The following R3HDM1 variants were observed in gnomAD, a reference collection of about 807,000 sequenced individuals.
The protein encoded by R3HDM1 is R3H domain-containing protein 1.
A neutral mutation model predicts 141.1 loss-of-function variants in R3HDM1; 46 were observed. That is an observed-to-expected ratio of 0.33 (90% CI 0.26 to 0.42). The LOEUF (loss-of-function observed/expected upper bound fraction) is 0.42. R3HDM1 is among the 10% of genes least tolerant of loss of function. The pLI, the probability that R3HDM1 is intolerant of heterozygous loss-of-function variation, is 1.00. For synonymous variants in R3HDM1, 435 were observed against 472.9 expected, an observed-to-expected ratio of 0.92 and a Z score of 1.04; for missense variants, 1,184 against 1,368.3, an observed-to-expected ratio of 0.87 and a Z score of 2.12.
chr2:135,719,650 T>C (rs72970242), intron 24 of R3HDM1, among the ~76,000 whole-genome samples: 176 of 152,330 alleles, frequency 1.2e-3, no homozygotes, highest in African/African-American at 4.1e-3. Flanking sequence ...TATACTTTTA[T>C]ATACTTGAAA....
At chr2:135,710,472 C>G (rs970728870) in intron 23 of R3HDM1, among the ~76,000 whole-genome samples, 1 of 152,050 alleles carries the variant, frequency 6.6e-6, no homozygotes. Flanking sequence ...ACAAAATCAG[C>G]TGGGTGTAGT....
At position 135,630,281 on chromosome 2, in the gene R3HDM1, C is replaced by CAAAAAAA. The variant is rs911009655; in HGVS notation, c.498-1416_498-1410dup. 5.9e-3 allele frequency among the ~76,000 whole-genome samples: 230 copies of CAAAAAAA among 39,306 alleles called. 6 individuals carry two copies. Among genetic ancestry groups the CAAAAAAA allele is most frequent in the African/African-American group, 8.4e-3 (91 of 10,822 alleles). 25.8% of individuals were successfully genotyped at this position (39,306 alleles called of 152,430 possible). A position where few individuals can be genotyped will look rare whatever the true frequency, so the allele number is the denominator to read the frequency against. ...AACAAGAGCGAAACTCCTTCTCAAC[C>CAAAAAAA]AAAAAAAAAAAAAAAAAAAAAAAAA... On this transcript the variant is annotated intron_variant, in intron 7 of 26. Coordinates refer to ENST00000683871, the MANE Select transcript of R3HDM1 (RefSeq NM_001378107.1).
At position 135,555,470 on chromosome 2, in the gene R3HDM1, G is replaced by C. The variant is rs773410645; in HGVS notation, c.-250+23837G>C. On this transcript the variant is annotated intron_variant, in intron 1 of 26. Transcript: ENST00000683871. Reference sequence around the variant, plus strand: ...TACTGCCAGTAGGAGTGTAAAGGGTGTGGTCATTTTGGTGAGTCTGGAAGT... The same window carrying C: ...TACTGCCAGTAGGAGTGTAAAGGGTCTGGTCATTTTGGTGAGTCTGGAAGT... 2.1e-4 allele frequency among the ~76,000 whole-genome samples: 32 copies of C among 152,162 alleles called. 1 individual carries two copies. The highest frequency in any genetic ancestry group is 6.5e-4 in the Admixed American group (10 of 15,268).
rs148337940 is a variant in R3HDM1, at chr2:135,565,394, G to A, written c.-250+33761G>A. Among the ~76,000 whole-genome samples, 447 of 149,340 alleles carry A rather than the reference G, an allele frequency of 3.0e-3. 3 individuals carry two copies. The highest frequency in any genetic ancestry group is 0.01 in the African/African-American group (416 of 40,982). On this transcript the variant is annotated intron_variant, in intron 1 of 26. Transcript: ENST00000683871. ...AATTTAAGAGACAAGATCTCATTAT[G>A]TTGCCTGGACTGGACTTAAACTTCT...
intron 23 of R3HDM1, among the ~76,000 whole-genome samples, chr2:135,713,622 C>T (rs2075887358): frequency 2.6e-5 from 4 of 152,108 alleles, no homozygotes; most frequent in African/African-American, 7.2e-5. Flanking sequence ...GGAAAATGCC[C>T]TTAAGTGTGT....
chr2:135,634,194 C>T (rs2063024911), intron 9 of R3HDM1, among the ~76,000 whole-genome samples: 1 of 152,020 alleles, frequency 6.6e-6, no homozygotes. Flanking sequence ...CAAATCTGTT[C>T]TCTATTTCAC....
At chr2:135,693,992 G>A (rs553291675) in intron 21 of R3HDM1, among the ~76,000 whole-genome samples, 162 of 151,500 alleles carry the variant, frequency 1.1e-3, no homozygotes, top group African/African-American at 3.8e-3. Flanking sequence ...GAACAAGAGC[G>A]AAACTGCCTC....
At chr2:135,534,229 A>T (rs1258175407) in intron 1 of R3HDM1, among the ~76,000 whole-genome samples, 1 of 152,202 alleles carries the variant, frequency 6.6e-6, no homozygotes, top group East Asian at 1.9e-4. Flanking sequence ...AACTATTGTA[A>T]TATCTTTTAA....
intron 15 of R3HDM1, 145 bp from the exon 16 acceptor site, chr2:135,645,234 T>A: frequency 1.5e-6 from 1 of 679,050 alleles, no homozygotes; most frequent in East Asian, 2.8e-5. Flanking sequence ...TTTCCCAACC[T>A]AAGGAAATCT....
intron 1 of R3HDM1, among the ~76,000 whole-genome samples, chr2:135,576,824 A>G (rs1202922899): frequency 6.6e-6 from 1 of 152,192 alleles, no homozygotes; most frequent in Non-Finnish European, 1.5e-5. Flanking sequence ...GTGAAAGTAG[A>G]TTAGTGGTTG....
rs1293673331 is a variant in R3HDM1, at chr2:135,699,097, AGATAGATT to A, written c.2460-10335_2460-10328del. 7.8e-4 allele frequency among the ~76,000 whole-genome samples: 118 copies of A among 151,846 alleles called. 2 individuals are homozygous for A. Among genetic ancestry groups the A allele is most frequent in the African/African-American group, 2.7e-3 (111 of 41,330 alleles). On this transcript the variant is annotated intron_variant, in intron 21 of 26. Coordinates refer to ENST00000683871, the MANE Select transcript of R3HDM1 (RefSeq NM_001378107.1). ...AGATTAGATAGATAGATAGATAGAT[AGATAGATT>A]AGATATTCCAAACCCCAAAAAATAG...
In R3HDM1 at chr2:135,714,195, G is replaced by A. The variant is rs531347852; in HGVS notation, c.2737-1355G>A. Among the ~76,000 whole-genome samples, 5 of 152,232 alleles carry A rather than the reference G, an allele frequency of 3.3e-5. No individual in the cohort carries two copies. In the East Asian group the frequency reaches 5.8e-4, roughly 18 times the overall value. On this transcript the variant is annotated intron_variant, in intron 23 of 26. Coordinates refer to ENST00000683871, the MANE Select transcript of R3HDM1 (RefSeq NM_001378107.1). ...TAGGCACCATGTTAACAAAGCAGTC[G>A]AAGTAAATATCACCAATACTGTGAT...
At chr2:135,680,791 T>C (rs2070159918) in intron 21 of R3HDM1, among the ~76,000 whole-genome samples, 2 of 152,168 alleles carry the variant, frequency 1.3e-5, no homozygotes, top group Admixed American at 1.3e-4. Context: ...TATATGTATA[T>C]TTCTTTCAGT....
At chr2:135,661,144 A>T in intron 18 of R3HDM1, 126 bp from the exon 19 acceptor site, 1 of 1,220,264 alleles carries the variant, frequency 8.2e-7, no homozygotes, top group East Asian at 2.5e-5. Flanking sequence ...TAAATTTAAG[A>T]AAAATCAGTT....
chr2:135,682,011 A>C (rs1459124465), intron 21 of R3HDM1, among the ~76,000 whole-genome samples: 1 of 150,456 alleles, frequency 6.6e-6, no homozygotes, highest in Non-Finnish European at 1.5e-5. Context: ...AAATTTTATA[A>C]ATAAGGAAAA....
At chr2:135,542,743 T>G (rs1183108346) in intron 1 of R3HDM1, among the ~76,000 whole-genome samples, 1 of 152,190 alleles carries the variant, frequency 6.6e-6, no homozygotes, top group African/African-American at 2.4e-5. Flanking sequence ...ACACTATGGT[T>G]ACTATATGAC....
intron 24 of R3HDM1, among the ~76,000 whole-genome samples, chr2:135,719,260 C>A (rs972455095): frequency 1.3e-5 from 2 of 151,962 alleles, no homozygotes; most frequent in Non-Finnish European, 2.9e-5. Context: ...AGGAGGAACA[C>A]CTAGCCCAGC....
At chr2:135,603,092 C>G (rs2059751411) in intron 2 of R3HDM1, among the ~76,000 whole-genome samples, 1 of 152,146 alleles carries the variant, frequency 6.6e-6, no homozygotes, top group African/African-American at 2.4e-5. Flanking sequence ...AGCAATTCTC[C>G]TGCCTCAGCC....
intron 7 of R3HDM1, among the ~76,000 whole-genome samples, chr2:135,625,646 GAAGGACA>G (rs2061942204): frequency 6.6e-6 from 1 of 152,108 alleles, no homozygotes; most frequent in Admixed American, 6.5e-5. Context: ...CGGGTCACTG[GAAGGACA>G]AAGGCATGTT....
Sources: gnomAD v4.1 joint callset for allele counts (sites outside exome capture counted in the v4.1 genomes callset) on GRCh38, gnomAD v4.1.1 for gene constraint, MANE v1.5 for transcripts, NCBI Gene and HGNC (gene_info 2026-07-23, HGNC 2026-07-21) for gene names.